CORO2B: variants seen among roughly 807,000 people sequenced by gnomAD.
CORO2B encodes coronin 2B, also known as coronin-2B.
In CORO2B, 26 loss-of-function variants were observed where a neutral mutation model predicts 58.8. The ratio of observed to expected loss-of-function variants is 0.44; its 90% CI spans 0.32 to 0.61. The LOEUF (loss-of-function observed/expected upper bound fraction) is 0.61. Ranked by LOEUF, CORO2B falls within the 20% of genes least tolerant of loss-of-function variation. The pLI is 0.04. For synonymous variants in CORO2B, 242 were observed against 253.8 expected (o/e 0.95, Z 0.44); for missense variants, 460 against 645.1 (o/e 0.71, Z 3.11).
rs573683901 is a variant in CORO2B, at chr15:68,605,763, C to T, written c.15+26486C>T. On this transcript the variant is annotated intron_variant, in intron 1 of 11. Transcript: ENST00000261861. ...TTTGAGATGGAGTCTCGCTGTGTCG[C>T]CCAGGCGGGAGTGCAGTGGCGCAAT... Among the ~76,000 whole-genome samples, 3 of 133,162 alleles carry T rather than the reference C, an allele frequency of 2.3e-5. No individual in the cohort carries two copies. In the East Asian group the frequency reaches 6.8e-4, roughly 30 times the overall value. 87.4% of individuals were successfully genotyped at this position (133,162 alleles called of 152,430 possible).
rs1892724900 is a variant in CORO2B at position 68,704,044 on chromosome 15, ACACACACAC to A, written c.334-6687_334-6679del. ...ACCCTTTCTCTACACACACATACAC[ACACACACAC>A]ACACACACACACACACACACACACA... On this transcript the variant is annotated intron_variant, in intron 3 of 11. Transcript: ENST00000261861. Among the ~76,000 whole-genome samples, 11 of 54,032 alleles carry A rather than the reference ACACACACAC, an allele frequency of 2.0e-4. No individual in the cohort carries two copies. The East Asian group carries it at 0.012, about 57-fold the overall frequency. 35.4% of individuals were successfully genotyped at this position (54,032 alleles called of 152,430 possible).
At chr15:68,602,317 C>T (rs1417809446) in intron 1 of CORO2B, among the ~76,000 whole-genome samples, 1 of 151,670 alleles carries the variant, frequency 6.6e-6, no homozygotes, top group Non-Finnish European at 1.5e-5. Flanking sequence ...TTTTTTTAAA[C>T]ACTCTTGGTG....
At position 68,709,975 on chromosome 15, in the gene CORO2B, A is replaced by G. The variant is rs934185375; in HGVS notation, c.334-757A>G. 3.5e-4 allele frequency among the ~76,000 whole-genome samples: 53 copies of G among 152,178 alleles called. 1 individual carries two copies. The highest frequency in any genetic ancestry group is 3.2e-3 in the Middle Eastern group (1 of 316). On this transcript the variant is annotated intron_variant, in intron 3 of 11. Coordinates refer to ENST00000261861, the MANE Select transcript of CORO2B (RefSeq NM_006091.5). ...CAGAAGCCCACCAGGGCTGATGTAA[A>G]TAATTAAGGGGGTGATTCCAAGACT...
the CORO2B span, among the ~76,000 whole-genome samples, chr15:68,534,178 G>A: frequency 6.6e-6 from 1 of 152,142 alleles, no homozygotes; most frequent in African/African-American, 2.4e-5. Flanking sequence ...TCTAGATGCA[G>A]CTTACCACCT....
chr15:68,581,763 C>T (rs79561585), intron 1 of CORO2B, among the ~76,000 whole-genome samples: 6,229 of 152,154 alleles, frequency 0.041, 462 homozygotes, highest in African/African-American at 0.14. Context: ...GAGGTAGGAT[C>T]GCTGCTGACA....
chr15:68,630,158 T>C (rs990867221), intron 1 of CORO2B, among the ~76,000 whole-genome samples: 1 of 152,202 alleles, frequency 6.6e-6, no homozygotes, highest in Admixed American at 6.5e-5. Context: ...AATGACAGCA[T>C]TCAGTTGAAT....
At chr15:68,530,422 G>C in the CORO2B span, among the ~76,000 whole-genome samples, 1 of 152,094 alleles carries the variant, frequency 6.6e-6, no homozygotes, top group East Asian at 1.9e-4. Flanking sequence ...ATGTATACTT[G>C]AAAATAATAT....
chr15:68,559,328 T>C, the CORO2B span, among the ~76,000 whole-genome samples: 5 of 152,052 alleles, frequency 3.3e-5, no homozygotes, highest in East Asian at 9.7e-4. This position sits in a 1 kb window ranked among gnomAD's most constrained non-coding sequence, Gnocchi z 4.3. Context: ...TTCAGAGAGT[T>C]TGGGACTCTC....
intron 1 of CORO2B, among the ~76,000 whole-genome samples, chr15:68,583,859 A>C (rs1190971542): frequency 6.6e-6 from 1 of 152,158 alleles, no homozygotes; most frequent in African/African-American, 2.4e-5. Context: ...GCACAGACCC[A>C]GCTCCCGGGT....
intron 1 of CORO2B, among the ~76,000 whole-genome samples, chr15:68,605,761 C>T (rs796589123): frequency 3.2e-4 from 37 of 116,782 alleles, no homozygotes; most frequent in East Asian, 2.8e-3. Flanking sequence ...CTCGCTGTGT[C>T]GCCCAGGCGG....
the CORO2B span, among the ~76,000 whole-genome samples, chr15:68,523,344 C>T: frequency 1.3e-5 from 2 of 151,966 alleles, no homozygotes; most frequent in South Asian, 2.1e-4. Flanking sequence ...CACAGGCACA[C>T]GACTCCATGC....
At chr15:68,557,531 T>G in the CORO2B span, among the ~76,000 whole-genome samples, 2 of 152,168 alleles carry the variant, frequency 1.3e-5, no homozygotes, top group Non-Finnish European at 2.9e-5. Flanking sequence ...AGGTCATACA[T>G]CTGGAAAATG....
chr15:68,691,638 A>AAAAG (rs1246644726), intron 2 of CORO2B, among the ~76,000 whole-genome samples: 6 of 149,590 alleles, frequency 4.0e-5, no homozygotes, highest in Admixed American at 6.7e-5. Flanking sequence ...AAAAAAAAAA[A>AAAAG]AAAAAAAAGA....
At chr15:68,629,692 G>A (rs946934166) in intron 1 of CORO2B, among the ~76,000 whole-genome samples, 6 of 152,192 alleles carry the variant, frequency 3.9e-5, no homozygotes, top group East Asian at 1.9e-4. Context: ...TCAGTGACAC[G>A]AGCAGCCTCA....
chr15:68,651,560 A>C (rs1304130486), intron 2 of CORO2B, among the ~76,000 whole-genome samples: 1 of 152,200 alleles, frequency 6.6e-6, no homozygotes, highest in Non-Finnish European at 1.5e-5. Flanking sequence ...CATCACTTGG[A>C]GCGTTAGTTA....
intron 1 of CORO2B, among the ~76,000 whole-genome samples, chr15:68,633,787 C>T (rs1477875775): frequency 6.6e-6 from 1 of 152,208 alleles, no homozygotes; most frequent in Non-Finnish European, 1.5e-5. Context: ...GCAGATCGTC[C>T]TTCTCTTCCA....
Position 68,645,338 on chromosome 15 carries a change from T to A in CORO2B, c.194T>A (p.Phe65Tyr), listed in dbSNP as rs1341326288. 1 of 1,611,450 alleles carries A rather than the reference T, an allele frequency of 6.2e-7. No individual in the cohort carries two copies. The highest frequency in any genetic ancestry group is 1.7e-5 in the Admixed American group (1 of 59,966). ...IVTESAGGGS[F>Y]LVIPLEQTGR... ...ACCGAGAGCGCAGGGGGCGGCTCCT[T>A]CCTCGTCATCCCCCTGGAGCAGGTA... Residue 65 changes from phenylalanine (F) to tyrosine (Y), a missense_variant, in exon 2 of 12, where the codon TTC becomes TAC. Around this residue, in one of 2 missense-constraint regions of CORO2B, gnomAD observed 352 missense variants for 543.0 expected, o/e 0.65. Coordinates refer to ENST00000261861, the MANE Select transcript of CORO2B (RefSeq NM_006091.5). The surrounding 1 kb of genome is among the most constrained non-coding windows in gnomAD (Gnocchi z 4.5).
chr15:68,648,832 A>G (rs1479664878), intron 2 of CORO2B, among the ~76,000 whole-genome samples: 1 of 152,248 alleles, frequency 6.6e-6, no homozygotes, highest in African/African-American at 2.4e-5. Context: ...TCTTCGTAAG[A>G]CGTAAATGAG....
intron 2 of CORO2B, among the ~76,000 whole-genome samples, chr15:68,688,203 ATC>A (rs1903051453): frequency 6.6e-6 from 1 of 152,192 alleles, no homozygotes; most frequent in African/African-American, 2.4e-5. Context: ...TTGTAATAAT[ATC>A]TGTTTTTTTA....
Sources: allele counts gnomAD v4.1 joint callset (sites outside exome capture counted in the v4.1 genomes callset), GRCh38; gene constraint gnomAD v4.1.1; regional missense constraint gnomAD v4.1.1; non-coding constraint Gnocchi (gnomAD v3.1); transcripts MANE v1.5; gene names NCBI Gene and HGNC (gene_info 2026-07-23, HGNC 2026-07-21).